SNTB2: variants seen among roughly 807,000 people sequenced by gnomAD.
The protein encoded by SNTB2 is beta-2-syntrophin.
SNTB2 carries 34 observed loss-of-function variants against 46.2 expected under a neutral mutation model. The observed-to-expected ratio is 0.74, with a 90% CI of 0.56 to 0.98. The LOEUF is 0.98. Among genes scored for constraint, SNTB2 ranks in the 50% least tolerant of loss-of-function variants. The pLI is 0.00. For synonymous variants in SNTB2, 290 were observed against 312.6 expected (o/e 0.93, Z 0.76); for missense variants, 603 against 731.4 (o/e 0.82, Z 2.02).
chr16:69,201,949 G>A (rs1964165931), intron 1 of SNTB2, among the ~76,000 whole-genome samples: 1 of 152,080 alleles, frequency 6.6e-6, no homozygotes, highest in Non-Finnish European at 1.5e-5. Flanking sequence ...GCTTAGTTTA[G>A]GAGCAGACCA....
intron 1 of SNTB2, among the ~76,000 whole-genome samples, chr16:69,242,125 A>C (rs1964622569): frequency 6.6e-6 from 1 of 152,022 alleles, no homozygotes; most frequent in African/African-American, 2.4e-5. Context: ...CATGTCTTTC[A>C]TGTTTAAAGT....
At chr16:69,192,805 T>A (rs117912049) in intron 1 of SNTB2, among the ~76,000 whole-genome samples, 3,008 of 152,330 alleles carry the variant, frequency 0.02, 27 homozygotes, top group Non-Finnish European at 0.026. Context: ...AAAGTGCTAG[T>A]GATTATGGTG....
At chr16:69,187,830 G>A in intron 1 of SNTB2, 84 bp downstream of exon 1, 5 of 1,154,816 alleles carry the variant, frequency 4.3e-6, no homozygotes, top group Non-Finnish European at 5.7e-6. Context: ...CCGCCGGCGG[G>A]GCGAGCCGGT....
intron 1 of SNTB2, among the ~76,000 whole-genome samples, chr16:69,194,779 G>A (rs1343403330): frequency 1.3e-5 from 2 of 152,142 alleles, no homozygotes; most frequent in Non-Finnish European, 2.9e-5. Context: ...GAAAGTGGGG[G>A]TTTCTCAAAG....
intron 1 of SNTB2, among the ~76,000 whole-genome samples, chr16:69,206,462 G>A (rs1964220376): frequency 6.6e-6 from 1 of 152,020 alleles, no homozygotes; most frequent in Admixed American, 6.6e-5. Flanking sequence ...AGCACTTTGG[G>A]AGGCCAAGGT....
intron 1 of SNTB2, chr16:69,230,366 T>G (rs1316101714): frequency 6.6e-6 from 1 of 152,054 alleles, no homozygotes; most frequent in Non-Finnish European, 1.5e-5. Flanking sequence ...TGAGTCTTTT[T>G]TTTTTTTCTT....
rs767231676 is a variant in SNTB2, at chr16:69,299,681, A to G, written c.1437A>G (p.Ile479Met). Residue 479 changes from isoleucine (I) to methionine (M), a missense_variant, in exon 6 of 7, where the codon ATA becomes ATG. Ile to Met is a conservative substitution (Grantham distance 10). Transcript: ENST00000336278. ...GGGAAAATGGAGGCTCCAGCAGCATATTGTACCGCTACCCCTTTGAAAGGC... is the reference window on the plus strand; with the variant it reads ...GGGAAAATGGAGGCTCCAGCAGCATGTTGTACCGCTACCCCTTTGAAAGGC... ...ISRENGGSSS[I>M]LYRYPFERLK... The G allele has an allele frequency of 3.1e-6, 5 of 1,614,186 alleles. No individual in the cohort carries two copies. Among genetic ancestry groups the G allele is most frequent in the Admixed American group, 3.3e-5 (2 of 60,014 alleles).
At chr16:69,292,404 AT>A (rs1965176797) in intron 5 of SNTB2, among the ~76,000 whole-genome samples, 2 of 21,248 alleles carry the variant, frequency 9.4e-5, no homozygotes, top group African/African-American at 7.2e-4. Flanking sequence ...ATATATATAT[AT>A]ATTATATATA....
At chr16:69,213,443 T>C (rs541338627) in intron 1 of SNTB2, among the ~76,000 whole-genome samples, 2 of 152,260 alleles carry the variant, frequency 1.3e-5, no homozygotes, top group African/African-American at 2.4e-5. Flanking sequence ...TATGTTCTTA[T>C]ATACTTTGAA....
At chr16:69,285,481 T>TTATTTATC (rs1358378526) in intron 5 of SNTB2, among the ~76,000 whole-genome samples, 7 of 147,986 alleles carry the variant, frequency 4.7e-5, no homozygotes, top group Non-Finnish European at 7.5e-5. Flanking sequence ...ATTTATTTAT[T>TTATTTATC]TATTTATTTA....
intron 2 of SNTB2, among the ~76,000 whole-genome samples, chr16:69,247,462 G>A (rs1379805062): frequency 6.6e-6 from 1 of 152,180 alleles, no homozygotes; most frequent in East Asian, 1.9e-4. Context: ...GGTCTCCTCT[G>A]ATCTTAATGC....
At position 69,300,959 on chromosome 16, in the gene SNTB2, CAA is replaced by C. The variant is rs1187693047; in HGVS notation, c.*36_*37del. 1 of 1,242,608 alleles carries C rather than the reference CAA, an allele frequency of 8.0e-7. No individual in the cohort carries two copies. Among genetic ancestry groups the C allele is most frequent in the African/African-American group, 1.5e-5 (1 of 66,232 alleles). 77.0% of individuals were successfully genotyped at this position (1,242,608 alleles called of 1,614,324 possible). A position where few individuals can be genotyped will look rare whatever the true frequency, so the allele number is the denominator to read the frequency against. On this transcript the variant is annotated 3_prime_UTR_variant, in exon 7 of 7. Coordinates refer to ENST00000336278, the MANE Select transcript of SNTB2 (RefSeq NM_006750.4). ...AATCAGAAAAGAGCCTTGACTGTCACAAGAAATATTTCCACCTCAAAAAAAAA... is the reference window on the plus strand; with the variant it reads ...AATCAGAAAAGAGCCTTGACTGTCACGAAATATTTCCACCTCAAAAAAAAA...
chr16:69,283,533 G>T (rs915241048), intron 4 of SNTB2, among the ~76,000 whole-genome samples: 7 of 152,168 alleles, frequency 4.6e-5, no homozygotes, highest in African/African-American at 1.7e-4. Flanking sequence ...ACAAGAGATT[G>T]ATGCTAAAAA....
intron 1 of SNTB2, among the ~76,000 whole-genome samples, chr16:69,223,865 C>T (rs1057182031): frequency 1.6e-4 from 24 of 151,820 alleles, no homozygotes; most frequent in Non-Finnish European, 3.1e-4. Flanking sequence ...CTCCTGACCT[C>T]GTGATCCACC....
chr16:69,278,889 A>AGTGT (rs71148981), intron 4 of SNTB2, among the ~76,000 whole-genome samples: 15,684 of 140,866 alleles, frequency 0.11, 861 homozygotes, highest in Middle Eastern at 0.16. Flanking sequence ...AGGTGGGAAG[A>AGTGT]GTGTGTGTGT....
At chr16:69,235,178 ATT>A (rs540699447) in intron 1 of SNTB2, among the ~76,000 whole-genome samples, 1 of 143,344 alleles carries the variant, frequency 7.0e-6, no homozygotes, top group South Asian at 2.2e-4. Context: ...TGCCCAGCTA[ATT>A]TTTTTTTTTT....
chr16:69,190,965 G>C (rs922553631), intron 1 of SNTB2, among the ~76,000 whole-genome samples: 5 of 152,100 alleles, frequency 3.3e-5, no homozygotes, highest in African/African-American at 4.8e-5. Flanking sequence ...AATGAGGAAG[G>C]TAGGACCGGG....
intron 1 of SNTB2, among the ~76,000 whole-genome samples, chr16:69,191,709 C>G (rs1354705955): frequency 1.3e-5 from 2 of 151,864 alleles, no homozygotes; most frequent in Non-Finnish European, 2.9e-5. Context: ...GGTGCGATCT[C>G]AGCTCACTGC....
chr16:69,270,715 C>T (rs1034882788), intron 4 of SNTB2, among the ~76,000 whole-genome samples: 2 of 152,192 alleles, frequency 1.3e-5, no homozygotes, highest in Non-Finnish European at 2.9e-5. Flanking sequence ...TCTTCAACTT[C>T]TCTTTCTAAT....
Sources: allele counts gnomAD v4.1 joint callset (sites outside exome capture counted in the v4.1 genomes callset), GRCh38; gene constraint gnomAD v4.1.1; transcripts MANE v1.5; gene names NCBI Gene and HGNC (gene_info 2026-07-23, HGNC 2026-07-21).